PKD1L1: variants seen among roughly 807,000 people sequenced by gnomAD.
The protein encoded by PKD1L1 is polycystin 1 like 1, transient receptor potential channel interacting.
PKD1L1 carries 236 observed loss-of-function variants against 323.4 expected under a neutral mutation model. That is an observed-to-expected ratio of 0.73 (90% CI 0.66 to 0.81). The LOEUF is 0.81. Ranked by LOEUF, PKD1L1 falls within the 40% of genes least tolerant of loss-of-function variation. PKD1L1 has a pLI of 0.00. For missense variants in PKD1L1, 3,320 were observed against 3,508.0 expected, an observed-to-expected ratio of 0.95 and a Z score of 1.35; for synonymous variants, 1,344 against 1,335.0, an observed-to-expected ratio of 1.01 and a Z score of -0.15.
At chr7:47,793,351 G>A (rs1010262242) in intron 55 of PKD1L1, among the ~76,000 whole-genome samples, 1 of 152,042 alleles carries the variant, frequency 6.6e-6, no homozygotes, top group Non-Finnish European at 1.5e-5. Context: ...CTGTGTTGTG[G>A]GAGGGACCTG....
chr7:47,779,855 T>C (rs963581265), intron 56 of PKD1L1, among the ~76,000 whole-genome samples: 1 of 152,148 alleles, frequency 6.6e-6, no homozygotes, highest in African/African-American at 2.4e-5. Flanking sequence ...GGATAAACCA[T>C]GGGCTGGGTG....
chr7:47,919,960 AC>A (rs1176162633), intron 7 of PKD1L1, among the ~76,000 whole-genome samples: 1 of 152,186 alleles, frequency 6.6e-6, no homozygotes, highest in Non-Finnish European at 1.5e-5. Context: ...CTCGAACAAG[AC>A]AAGGATGCCC....
At chr7:47,902,281 G>C in intron 13 of PKD1L1, 98 bp downstream of exon 13, 1 of 1,469,892 alleles carries the variant, frequency 6.8e-7, no homozygotes. Flanking sequence ...ACAAAGCCTC[G>C]CTTCATGCCC....
upstream of PKD1L1, among the ~76,000 whole-genome samples, chr7:47,950,769 GT>G (rs1338619739): frequency 3.3e-5 from 5 of 152,128 alleles, no homozygotes; most frequent in Admixed American, 6.5e-5. Context: ...CAAGGGCTCA[GT>G]AGCCAAGATA....
At chr7:47,856,602 T>C (rs1785910017) in intron 28 of PKD1L1, among the ~76,000 whole-genome samples, 1 of 152,140 alleles carries the variant, frequency 6.6e-6, no homozygotes, top group South Asian at 2.1e-4. Context: ...ACAAAGTGCT[T>C]TCCAAAATGT....
chr7:47,780,602 A>T (rs921177031), intron 56 of PKD1L1, among the ~76,000 whole-genome samples: 7 of 151,564 alleles, frequency 4.6e-5, no homozygotes, highest in African/African-American at 1.7e-4. Flanking sequence ...ACTGCACTCC[A>T]GTCTCGGCGA....
chr7:47,906,069 T>C, intron 9 of PKD1L1, 107 bp from the exon 10 acceptor site: 1 of 1,137,408 alleles, frequency 8.8e-7, no homozygotes, highest in Non-Finnish European at 1.2e-6. Flanking sequence ...CCCCTTTGAA[T>C]CTCAATAAAT....
rs2053986 is a variant in PKD1L1 at position 47,859,136 on chromosome 7, G to A, written c.4150-251C>T. ...TTGGTCTCTAGGTGACTATTGGCCA[G>A]CTTCCTAAGTAGCAAGCTGCTTTTT... On this transcript the variant is annotated intron_variant, in intron 26 of 56. Coordinates refer to ENST00000289672, the MANE Select transcript of PKD1L1 (RefSeq NM_138295.5). Among the ~76,000 whole-genome samples the A allele has an allele frequency of 0.56, 85,744 of 152,070 alleles. 24,230 individuals are homozygous for A. Among genetic ancestry groups the A allele is most frequent in the South Asian group, 0.6 (2,902 of 4,822 alleles).
intron 52 of PKD1L1, among the ~76,000 whole-genome samples, chr7:47,805,042 G>A (rs907014490): frequency 5.9e-5 from 9 of 151,710 alleles, no homozygotes; most frequent in African/African-American, 2.2e-4. Context: ...CATCTGCTAG[G>A]TGCCAAGCTG....
chr7:47,780,594 TGCAC>T (rs1786669566), intron 56 of PKD1L1, among the ~76,000 whole-genome samples: 7 of 151,614 alleles, frequency 4.6e-5, no homozygotes, highest in African/African-American at 1.7e-4. Context: ...ATTGTACCAC[TGCAC>T]TCCAGTCTCG....
At position 47,800,735 on chromosome 7, in the gene PKD1L1, G is replaced by T. The variant is rs1272087042; in HGVS notation, c.8107C>A (p.Leu2703Ile). Residue 2703 changes from leucine (L) to isoleucine (I), a missense_variant, in exon 54 of 57, where the codon CTT becomes ATT. By Grantham distance (5) the Leu-to-Ile change is conservative (BLOSUM62 2). Transcript: ENST00000289672. Reference sequence around the variant, plus strand: ...CGCTGGTCAGACTTGGAAAGGCCAAGGAGGCAGTCTTTTTGGCTTCTTCTG... The same window carrying T: ...CGCTGGTCAGACTTGGAAAGGCCAATGAGGCAGTCTTTTTGGCTTCTTCTG... ...FPRRSQKDCL[L>I]GLSKSDQRAM... 1 of 1,614,096 alleles carries T rather than the reference G, an allele frequency of 6.2e-7. No homozygotes were observed. Among genetic ancestry groups the T allele is most frequent in the Admixed American group, 1.7e-5 (1 of 60,004 alleles).
chr7:47,789,599 T>A (rs1786891997), intron 56 of PKD1L1, among the ~76,000 whole-genome samples: 1 of 152,204 alleles, frequency 6.6e-6, no homozygotes, highest in Non-Finnish European at 1.5e-5. Context: ...GAATTTTTCC[T>A]ATTTGAGCTG....
chr7:47,819,509 C>A, intron 46 of PKD1L1: 1 of 1,341,086 alleles, frequency 7.5e-7, no homozygotes, highest in South Asian at 1.2e-5. Flanking sequence ...GCACACAGCA[C>A]CACCTACTGG....
At chr7:47,923,414 A>G (rs1205201619) in intron 7 of PKD1L1, among the ~76,000 whole-genome samples, 1 of 152,082 alleles carries the variant, frequency 6.6e-6, no homozygotes, top group African/African-American at 2.4e-5. Context: ...GAGAGATAAA[A>G]GACTAGTAAT....
At chr7:47,780,435 C>T (rs1039524678) in intron 56 of PKD1L1, among the ~76,000 whole-genome samples, 5 of 152,072 alleles carry the variant, frequency 3.3e-5, no homozygotes, top group African/African-American at 4.8e-5. Context: ...AGTTTGAGAC[C>T]AGCCTGGCCA....
intron 31 of PKD1L1, among the ~76,000 whole-genome samples, chr7:47,851,158 T>A (rs1221986735): frequency 6.6e-6 from 1 of 152,190 alleles, no homozygotes; most frequent in Non-Finnish European, 1.5e-5. Context: ...TGATGCGCAG[T>A]TCTTGTGTTC....
At chr7:47,942,679 C>T (rs1309262457) in intron 2 of PKD1L1, among the ~76,000 whole-genome samples, 5 of 151,988 alleles carry the variant, frequency 3.3e-5, no homozygotes, top group Admixed American at 3.3e-4. Flanking sequence ...GAGGAAAACC[C>T]CACACCTGTG....
chr7:47,815,846 T>C (rs1039433895), intron 46 of PKD1L1, among the ~76,000 whole-genome samples: 6 of 74,146 alleles, frequency 8.1e-5, no homozygotes, highest in African/African-American at 3.6e-4. Context: ...GTGACAAATA[T>C]GAAGGAGGAA....
intron 15 of PKD1L1, 59 bp from the exon 16 acceptor site, chr7:47,890,822 C>A: frequency 1.4e-6 from 2 of 1,475,312 alleles, no homozygotes; most frequent in South Asian, 2.3e-5. Context: ...AGGGACTACC[C>A]TGTGTCACTG....
Sources: allele counts gnomAD v4.1 joint callset (sites outside exome capture counted in the v4.1 genomes callset), GRCh38; gene constraint gnomAD v4.1.1; transcripts MANE v1.5; gene names NCBI Gene and HGNC (gene_info 2026-07-23, HGNC 2026-07-21).